The following SV2C variants were observed in gnomAD, a reference collection of about 807,000 sequenced individuals.
The protein encoded by SV2C is synaptic vesicle glycoprotein 2C.
SV2C carries 49 observed loss-of-function variants against 79.7 expected under a neutral mutation model. That is an observed-to-expected ratio of 0.61 (90% CI 0.49 to 0.78). The LOEUF is 0.78. Among genes scored for constraint, SV2C ranks in the 30% least tolerant of loss-of-function variants. SV2C has a pLI of 0.00. For missense variants in SV2C, 833 were observed against 912.9 expected, an observed-to-expected ratio of 0.91 and a Z score of 1.13; for synonymous variants, 334 against 333.2, an observed-to-expected ratio of 1.00 and a Z score of -0.03.
At chr5:75,938,104 C>A in the SV2C span, among the ~76,000 whole-genome samples, 2 of 152,108 alleles carry the variant, frequency 1.3e-5, no homozygotes, top group Non-Finnish European at 2.9e-5. Context: ...GACCATGATG[C>A]CCGTCTGTTA....
the SV2C span, among the ~76,000 whole-genome samples, chr5:75,944,905 C>A: frequency 6.6e-6 from 1 of 152,092 alleles, no homozygotes; most frequent in African/African-American, 2.4e-5. Flanking sequence ...AAAAGATGGA[C>A]TGTCTTGGCT....
chr5:76,036,066 C>A, the SV2C span, among the ~76,000 whole-genome samples: 1 of 151,894 alleles, frequency 6.6e-6, no homozygotes. Flanking sequence ...AGGATTGCAA[C>A]CCCTGCCTTT....
the SV2C span, among the ~76,000 whole-genome samples, chr5:75,952,756 C>A: frequency 1.3e-5 from 2 of 151,862 alleles, no homozygotes; most frequent in African/African-American, 2.4e-5. Context: ...TCCTGTACAG[C>A]CTGCAGAGCC....
At chr5:76,040,619 C>T in the SV2C span, among the ~76,000 whole-genome samples, 1 of 152,024 alleles carries the variant, frequency 6.6e-6, no homozygotes, top group Non-Finnish European at 1.5e-5. Flanking sequence ...AATGATGTAG[C>T]CAGGAGGTAA....
At chr5:75,989,365 T>G in the SV2C span, among the ~76,000 whole-genome samples, 1 of 152,024 alleles carries the variant, frequency 6.6e-6, no homozygotes, top group Admixed American at 6.6e-5. Context: ...CTCCCACTTA[T>G]AAGTGAGAGC....
At chr5:76,008,426 T>C in the SV2C span, among the ~76,000 whole-genome samples, 1 of 152,038 alleles carries the variant, frequency 6.6e-6, no homozygotes, top group African/African-American at 2.4e-5. Flanking sequence ...CCAGGAAGGG[T>C]ACACAGTTAA....
At chr5:76,145,120 T>G (rs560188169) in intron 2 of SV2C, among the ~76,000 whole-genome samples, 1 of 152,240 alleles carries the variant, frequency 6.6e-6, no homozygotes, top group East Asian at 1.9e-4. Flanking sequence ...TCTCCAGGAG[T>G]TCTTGGGAGA....
rs147029232 is a variant in SV2C at position 76,240,133 on chromosome 5, A to C, written c.913+30246A>C. Among the ~76,000 whole-genome samples the C allele has an allele frequency of 1.0e-3, 159 of 152,304 alleles. 1 individual carries two copies. Among genetic ancestry groups the C allele is most frequent in the Non-Finnish European group, 1.8e-3 (122 of 68,022 alleles). On this transcript the variant is annotated intron_variant, in intron 4 of 12. Coordinates refer to ENST00000502798, the MANE Select transcript of SV2C (RefSeq NM_014979.4). The stretch of plus-strand genomic sequence containing the variant: ...AGCAAAAGAGAAGAATCTAATGCCT[A>C]CTATTTGTTTTGGTGGCACCCCTAC...
the SV2C span, among the ~76,000 whole-genome samples, chr5:75,853,994 C>CAAA: frequency 8.2e-6 from 1 of 121,652 alleles, no homozygotes; most frequent in Non-Finnish European, 1.8e-5. Context: ...CATCTATCAC[C>CAAA]AAAAAAAAAA....
the SV2C span, among the ~76,000 whole-genome samples, chr5:76,004,253 T>C: frequency 6.0e-4 from 91 of 152,276 alleles, no homozygotes; most frequent in Non-Finnish European, 1.2e-4. Context: ...CTTAACAACA[T>C]ACACTACCAG....
chr5:76,096,300 T>C (rs1053824911), intron 1 of SV2C, among the ~76,000 whole-genome samples: 1 of 152,184 alleles, frequency 6.6e-6, no homozygotes, highest in Non-Finnish European at 1.5e-5. Context: ...TTCCCTATTC[T>C]TCTTTTAACA....
intron 3 of SV2C, among the ~76,000 whole-genome samples, chr5:76,200,904 A>G (rs1744422092): frequency 6.6e-6 from 1 of 152,182 alleles, no homozygotes; most frequent in South Asian, 2.1e-4. Flanking sequence ...TGGCTTTCCA[A>G]AGTGCTGGGA....
the SV2C span, among the ~76,000 whole-genome samples, chr5:76,048,914 A>C: frequency 1.9e-5 from 2 of 107,564 alleles, no homozygotes; most frequent in Non-Finnish European, 3.9e-5. Flanking sequence ...GAGGGAAGGG[A>C]AAGAAAGAAA....
intron 2 of SV2C, among the ~76,000 whole-genome samples, chr5:76,190,190 G>C (rs1350939552): frequency 6.6e-6 from 1 of 152,184 alleles, no homozygotes; most frequent in African/African-American, 2.4e-5. Flanking sequence ...TATTTGTAAT[G>C]CTTGTTAAAG....
At chr5:75,962,900 GC>G in the SV2C span, among the ~76,000 whole-genome samples, 1 of 152,172 alleles carries the variant, frequency 6.6e-6, no homozygotes, top group South Asian at 2.1e-4. Flanking sequence ...TGCTAAAGAA[GC>G]AATATAAAAA....
Position 76,347,432 on chromosome 5 carries a change from C to T in SV2C, c.2001-5698C>T, listed in dbSNP as rs147507179. ...TACCTTCTTATTTCTTACCTATGCC[C>T]GGACATGTTTTGTTTTTTTGTTGTT... On this transcript the variant is annotated intron_variant, in intron 12 of 12. Coordinates refer to the SV2C transcript ENST00000322285. 2.5e-3 allele frequency among the ~76,000 whole-genome samples: 344 copies of T among 136,694 alleles called. 4 individuals are homozygous for T. Among genetic ancestry groups the T allele is most frequent in the Admixed American group, 0.022 (304 of 13,968 alleles). 89.7% of individuals were successfully genotyped at this position (136,694 alleles called of 152,430 possible).
At chr5:75,985,080 C>T in the SV2C span, among the ~76,000 whole-genome samples, 1 of 151,890 alleles carries the variant, frequency 6.6e-6, no homozygotes, top group East Asian at 1.9e-4. Context: ...TACACAGTTG[C>T]ATCTGGTGAG....
intron 2 of SV2C, among the ~76,000 whole-genome samples, chr5:76,194,106 C>A (rs1304858069): frequency 1.3e-5 from 2 of 152,096 alleles, no homozygotes; most frequent in Non-Finnish European, 2.9e-5. Context: ...AGGTGGCTTA[C>A]CCCAGGGCTC....
chr5:76,241,962 A>C, intron 4 of SV2C: 2 of 834,726 alleles, frequency 2.4e-6, no homozygotes, highest in South Asian at 1.4e-5. Context: ...AAACTTGATA[A>C]AAAATAGTAT....
Sources: gnomAD v4.1 joint callset for allele counts (sites outside exome capture counted in the v4.1 genomes callset) on GRCh38, gnomAD v4.1.1 for gene constraint, MANE v1.5 for transcripts, NCBI Gene and HGNC (gene_info 2026-07-23, HGNC 2026-07-21) for gene names.